SMAD6: variants seen among roughly 807,000 people sequenced by gnomAD.
The protein encoded by SMAD6 is SMAD family member 6.
In SMAD6, 103 loss-of-function variants were observed where a neutral mutation model predicts 39.4. That is an observed-to-expected ratio of 2.62 (90% confidence interval 2.23 to 3.08). SMAD6 has a LOEUF of 3.08. SMAD6 is among the 30% of genes most tolerant of loss of function. The pLI, the probability that SMAD6 is intolerant of heterozygous loss-of-function variation, is 0.00. For missense variants in SMAD6, 1,104 were observed against 742.9 expected (o/e 1.49, Z -5.65); for synonymous variants, 445 against 353.3 (o/e 1.26, Z -2.91).
At position 66,703,672 on chromosome 15, in the gene SMAD6, CCGGGACGCCA is replaced by C. The variant is rs1893033470; in HGVS notation, c.415_424del (p.Arg139AlafsTer39). ...CGGAGCGGGACGCCGCCGGCGCGCC[CCGGGACGCCA>C]GCGACCCCCTGGCCGGGGCGGCCCT... On this transcript the variant is annotated frameshift_variant, in exon 1 of 4. Coordinates refer to ENST00000288840, the MANE Select transcript of SMAD6 (RefSeq NM_005585.5). LOFTEE classifies it high-confidence loss of function. The C allele has an allele frequency of 8.1e-7, 1 of 1,232,522 alleles. No individual in the cohort carries two copies. Among genetic ancestry groups the C allele is most frequent in the African/African-American group, 1.6e-5 (1 of 63,142 alleles). The allele number at this position is 1,232,522 out of a possible 1,614,324, so 76.3% of individuals were successfully genotyped here.
intron 3 of SMAD6, among the ~76,000 whole-genome samples, chr15:66,755,663 G>T (rs1297465627): frequency 6.6e-6 from 1 of 152,162 alleles, no homozygotes; most frequent in Non-Finnish European, 1.5e-5. Flanking sequence ...CTGCTTACCT[G>T]GGCTCCAGGT....
intron 3 of SMAD6, among the ~76,000 whole-genome samples, chr15:66,776,024 A>G (rs767823363): frequency 6.6e-6 from 1 of 152,234 alleles, no homozygotes; most frequent in African/African-American, 2.4e-5. Flanking sequence ...GACACACCGC[A>G]TGAAATCTGA....
chr15:66,736,603 G>A (rs1893715944), intron 3 of SMAD6, among the ~76,000 whole-genome samples: 1 of 152,072 alleles, frequency 6.6e-6, no homozygotes. Context: ...ATTGATGCCT[G>A]GGCTCCACCC....
At chr15:66,718,842 A>C (rs926651221) in intron 3 of SMAD6, among the ~76,000 whole-genome samples, 3 of 152,168 alleles carry the variant, frequency 2.0e-5, no homozygotes, top group African/African-American at 7.2e-5. Context: ...TGGATGGTGA[A>C]GGCACGAGTC....
chr15:66,774,588 C>T (rs1262374780), intron 3 of SMAD6, among the ~76,000 whole-genome samples: 2 of 152,140 alleles, frequency 1.3e-5, no homozygotes, highest in African/African-American at 4.8e-5. Context: ...CACTGTGGAG[C>T]CCTGCTGGGG....
At position 66,781,997 on chromosome 15, in the gene SMAD6, T is replaced by A. The variant is rs1305926094; in HGVS notation, c.*462T>A. On this transcript the variant is annotated 3_prime_UTR_variant, in exon 4 of 4. Transcript: ENST00000288840. ...AAAGTATTCGCATTATAGTTTTTTT[T>A]AAACTGTCTTCTTTTTACAAAGAGG... 1.0e-5 allele frequency: 4 copies of A among 398,866 alleles called. No homozygotes were observed. Among genetic ancestry groups the A allele is most frequent in the South Asian group, 1.3e-4 (1 of 7,860 alleles). The allele number at this position is 398,866 out of a possible 1,614,324, so 24.7% of individuals were successfully genotyped here.
rs1478234795 is a variant in SMAD6 at position 66,703,235 on chromosome 15, A to C, written c.-24A>C. On this transcript the variant is annotated 5_prime_UTR_variant, in exon 1 of 4. Coordinates refer to ENST00000288840, the MANE Select transcript of SMAD6 (RefSeq NM_005585.5). The stretch of plus-strand genomic sequence containing the variant: ...GGTAACCGGAGACCGCCTCCCCCCC[A>C]CCCCTGGCGCCAAAGGATATCGTAT... 2.9e-6 allele frequency: 4 copies of C among 1,356,480 alleles called. No individual in the cohort carries two copies. The highest frequency in any genetic ancestry group is 3.6e-5 in the Admixed American group (1 of 27,582). The allele number at this position is 1,356,480 out of a possible 1,614,324, so 84.0% of individuals were successfully genotyped here.
intron 2 of SMAD6, among the ~76,000 whole-genome samples, chr15:66,713,086 A>G (rs1893262757): frequency 6.6e-6 from 1 of 152,090 alleles, no homozygotes; most frequent in African/African-American, 2.4e-5. Context: ...TAAGGCAGAG[A>G]AGTGATGGAA....
intron 3 of SMAD6, among the ~76,000 whole-genome samples, chr15:66,741,423 A>C (rs1419720642): frequency 6.6e-6 from 1 of 152,240 alleles, no homozygotes. Context: ...TTTGTGTTTC[A>C]TTAGGCTCCT....
intron 3 of SMAD6, among the ~76,000 whole-genome samples, chr15:66,762,362 C>T (rs142794519): frequency 3.9e-5 from 6 of 152,298 alleles, no homozygotes; most frequent in South Asian, 2.1e-4. Context: ...CTCAAGGAAA[C>T]GCCTCTCTGG....
intron 3 of SMAD6, among the ~76,000 whole-genome samples, chr15:66,758,617 A>C (rs1284062053): frequency 1.3e-5 from 2 of 152,096 alleles, no homozygotes; most frequent in Admixed American, 6.5e-5. Flanking sequence ...AGTCCCAGGT[A>C]CTCGGGAGGC....
Position 66,703,809 on chromosome 15 carries a change from A to G in SMAD6, c.551A>G (p.Lys184Arg). 1 of 1,432,678 alleles carries G rather than the reference A, an allele frequency of 7.0e-7. No individual in the cohort carries two copies. 88.7% of individuals were successfully genotyped at this position (1,432,678 alleles called of 1,614,324 possible). A position where few individuals can be genotyped will look rare whatever the true frequency, so the allele number is the denominator to read the frequency against. ...TVTYSLLKRL[K>R]ERSLDTLLEA... ...ACGTACTCGCTGCTGAAGCGGCTCA[A>G]GGAGCGCTCGCTGGACACGCTGCTG... The change falls in exon 1 of 4, where the codon AAG becomes AGG. Residue 184 changes from lysine (K) to arginine (R), a missense_variant. Coordinates refer to ENST00000288840, the MANE Select transcript of SMAD6 (RefSeq NM_005585.5).
Position 66,704,085 on chromosome 15 carries a change from C to A in SMAD6, c.817+10C>A, listed in dbSNP as rs963533906. 3.4e-6 allele frequency: 5 copies of A among 1,458,096 alleles called. No homozygotes were observed. The African/African-American group carries it at 7.4e-5, about 22-fold the overall frequency. The allele number at this position is 1,458,096 out of a possible 1,614,324, so 90.3% of individuals were successfully genotyped here. A position where few individuals can be genotyped will look rare whatever the true frequency, so the allele number is the denominator to read the frequency against. The stretch of plus-strand genomic sequence containing the variant: ...CGGCTCTGCGGGCCCGGTGAGCGCG[C>A]TGCGCCGGCCGGGGGGGCCCCGGGT... On this transcript the variant is annotated intron_variant, in intron 1 of 3. Transcript: ENST00000288840.
intron 3 of SMAD6, among the ~76,000 whole-genome samples, chr15:66,776,527 A>G (rs1291770475): frequency 6.6e-6 from 1 of 152,090 alleles, no homozygotes; most frequent in Non-Finnish European, 1.5e-5. Flanking sequence ...TCACTGTGAA[A>G]CCTTTTGGAC....
intron 3 of SMAD6, among the ~76,000 whole-genome samples, chr15:66,760,523 C>T (rs1173843546): frequency 6.6e-6 from 1 of 152,224 alleles, no homozygotes; most frequent in Admixed American, 6.5e-5. Flanking sequence ...TACTTTAGTC[C>T]CTTTCCAGTG....
chr15:66,775,517 G>C (rs1894451909), intron 3 of SMAD6, among the ~76,000 whole-genome samples: 1 of 152,144 alleles, frequency 6.6e-6, no homozygotes. Context: ...ACTGAGGCCA[G>C]AGGAGGGAGA....
At chr15:66,778,876 G>A (rs1894511308) in intron 3 of SMAD6, among the ~76,000 whole-genome samples, 1 of 152,202 alleles carries the variant, frequency 6.6e-6, no homozygotes, top group South Asian at 2.1e-4. Flanking sequence ...GCTCGTAGAA[G>A]GCACTCATGG....
At chr15:66,732,651 C>T (rs1328074066) in intron 3 of SMAD6, among the ~76,000 whole-genome samples, 4 of 152,178 alleles carry the variant, frequency 2.6e-5, no homozygotes, top group Admixed American at 6.5e-5. Flanking sequence ...TGTGAGCCAT[C>T]TCACCTGGCC....
intron 3 of SMAD6, among the ~76,000 whole-genome samples, chr15:66,719,102 G>GT (rs1893385298): frequency 6.6e-6 from 1 of 152,226 alleles, no homozygotes; most frequent in African/African-American, 2.4e-5. Context: ...TGTGAGACAG[G>GT]TGTGATTCTC....
Sources: gnomAD v4.1 joint callset for allele counts (sites outside exome capture counted in the v4.1 genomes callset) on GRCh38, gnomAD v4.1.1 for gene constraint, MANE v1.5 for transcripts, NCBI Gene and HGNC (gene_info 2026-07-23, HGNC 2026-07-21) for gene names.